The following MARCHF3 variants were observed in gnomAD, a reference collection of about 807,000 sequenced individuals.
The protein encoded by MARCHF3 is membrane associated ring-CH-type finger 3.
MARCHF3 carries 13 observed loss-of-function variants against 24.2 expected under a neutral mutation model. That is an observed-to-expected ratio of 0.54 (90% CI 0.35 to 0.85). MARCHF3 has a LOEUF of 0.85. Ranked by LOEUF, MARCHF3 falls within the 40% of genes least tolerant of loss-of-function variation. MARCHF3 has a pLI of 0.01. For missense variants in MARCHF3, 276 were observed against 325.0 expected (o/e 0.85, Z 1.16); for synonymous variants, 144 against 137.3 (o/e 1.05, Z -0.34).
chr5:127,016,946 G>A (rs1752654037), intron 1 of MARCHF3, among the ~76,000 whole-genome samples: 2 of 152,170 alleles, frequency 1.3e-5, no homozygotes, highest in Non-Finnish European at 2.9e-5. Context: ...AAAAAAGGAT[G>A]AGTTCATGTC....
chr5:127,023,607 G>A lies in MARCHF3; in HGVS notation c.-57+6743C>T, dbSNP rs192878826. On this transcript the variant is annotated intron_variant, in intron 1 of 4. Coordinates refer to ENST00000308660, the MANE Select transcript of MARCHF3 (RefSeq NM_178450.5). ...ATTAGCCAGGTGTGGTGGTGCATGC[G>A]TGTAATCCCAGCTACTCGGAAGGCT... Among the ~76,000 whole-genome samples the A allele has an allele frequency of 4.0e-3, 609 of 151,556 alleles. 5 individuals are homozygous for A. Among genetic ancestry groups the A allele is most frequent in the African/African-American group, 0.014 (574 of 41,354 alleles).
intron 1 of MARCHF3, chr5:127,029,834 T>G (rs1753118430): frequency 1.3e-5 from 2 of 152,308 alleles, no homozygotes; most frequent in African/African-American, 4.8e-5. Context: ...AGCCCAGCAG[T>G]GCTCTCAATT....
At chr5:126,949,877 A>C (rs963081987) in intron 1 of MARCHF3, among the ~76,000 whole-genome samples, 5 of 152,204 alleles carry the variant, frequency 3.3e-5, no homozygotes, top group Admixed American at 1.3e-4. Context: ...AGTAAAAGAG[A>C]TAGCTTCTGT....
chr5:126,901,278 A>G (rs549159164), intron 3 of MARCHF3, among the ~76,000 whole-genome samples: 1 of 152,098 alleles, frequency 6.6e-6, no homozygotes, highest in Non-Finnish European at 1.5e-5. Context: ...TGCATGTAAT[A>G]TTTTTCCTTT....
intron 1 of MARCHF3, among the ~76,000 whole-genome samples, chr5:126,988,909 A>G (rs1183912524): frequency 2.0e-5 from 3 of 152,174 alleles, no homozygotes; most frequent in Non-Finnish European, 4.4e-5. Flanking sequence ...AAAAACTTTA[A>G]AAGGGAATAA....
rs1044580792 is a variant in MARCHF3 at position 126,908,792 on chromosome 5, C to T, written c.393+6138G>A. Among the ~76,000 whole-genome samples, 296 of 151,558 alleles carry T rather than the reference C, an allele frequency of 2.0e-3. 1 individual carries two copies. Among genetic ancestry groups the T allele is most frequent in the Middle Eastern group, 6.8e-3 (2 of 294 alleles). ...TGTCCTCCTGTAGCTCAGAGTAATT[C>T]CATCGTCTGAAGCCTTCTTCTCTCA... On this transcript the variant is annotated intron_variant, in intron 3 of 4. Coordinates refer to ENST00000308660, the MANE Select transcript of MARCHF3 (RefSeq NM_178450.5).
At chr5:126,953,715 G>T (rs996791665) in intron 1 of MARCHF3, among the ~76,000 whole-genome samples, 1 of 152,114 alleles carries the variant, frequency 6.6e-6, no homozygotes, top group African/African-American at 2.4e-5. Context: ...TTCATAAGGA[G>T]TTGCCTTTTA....
chr5:126,948,505 A>G (rs1047745440), intron 1 of MARCHF3, among the ~76,000 whole-genome samples: 13 of 152,228 alleles, frequency 8.5e-5, no homozygotes, highest in South Asian at 2.1e-4. Context: ...GATAACTTCC[A>G]TACTCCACGG....
At chr5:127,002,097 T>C (rs1752148084) in intron 1 of MARCHF3, among the ~76,000 whole-genome samples, 1 of 152,120 alleles carries the variant, frequency 6.6e-6, no homozygotes, top group South Asian at 2.1e-4. Flanking sequence ...AAGAATGACA[T>C]GGCGCAAAAG....
intron 4 of MARCHF3, among the ~76,000 whole-genome samples, chr5:126,873,607 A>C (rs991533299): frequency 2.0e-5 from 3 of 152,196 alleles, no homozygotes; most frequent in Non-Finnish European, 4.4e-5. Context: ...TGTGCATTCA[A>C]GCCTGAGACG....
intron 1 of MARCHF3, among the ~76,000 whole-genome samples, chr5:126,966,044 T>C (rs191781982): frequency 2.6e-5 from 4 of 152,336 alleles, no homozygotes; most frequent in Admixed American, 2.6e-4. Flanking sequence ...CCAACATGGA[T>C]GCATCTCATA....
In MARCHF3 at chr5:126,869,273, T is replaced by C. The variant is rs187293605; in HGVS notation, c.*1360A>G. The C allele has an allele frequency of 6.6e-5, 10 of 152,356 alleles. No individual in the cohort carries two copies. In the East Asian group the frequency reaches 1.2e-3, roughly 18 times the overall value. The allele number at this position is 152,356 out of a possible 1,614,324, so 9.4% of individuals were successfully genotyped here. ...GTTCTAGAATTCCATATTTTAAGCA[T>C]TCCGGAAGCAGGGCTCCGCCCCTCC... On this transcript the variant is annotated 3_prime_UTR_variant, in exon 5 of 5. Transcript: ENST00000308660.
chr5:126,937,919 G>C (rs1300552234), intron 1 of MARCHF3, among the ~76,000 whole-genome samples: 1 of 152,170 alleles, frequency 6.6e-6, no homozygotes, highest in Non-Finnish European at 1.5e-5. Flanking sequence ...CACTGAGTAG[G>C]AGTGAAGGCA....
chr5:126,919,945 T>C (rs773236152), intron 1 of MARCHF3, among the ~76,000 whole-genome samples: 2 of 152,170 alleles, frequency 1.3e-5, no homozygotes, highest in Non-Finnish European at 2.9e-5. Flanking sequence ...GCCCCACTCA[T>C]GCCATTTTCA....
intron 4 of MARCHF3, among the ~76,000 whole-genome samples, chr5:126,871,095 A>G (rs544083278): frequency 1.3e-5 from 2 of 152,218 alleles, no homozygotes; most frequent in Non-Finnish European, 2.9e-5. Context: ...GTTTGGATTT[A>G]TTTTCGGACT....
intron 1 of MARCHF3, among the ~76,000 whole-genome samples, chr5:126,930,736 T>C (rs1317254539): frequency 6.6e-6 from 1 of 152,162 alleles, no homozygotes; most frequent in Admixed American, 6.5e-5. Flanking sequence ...CTAATAAGGG[T>C]GAAAACATTT....
At chr5:126,991,843 T>A (rs1403643248) in intron 1 of MARCHF3, among the ~76,000 whole-genome samples, 1 of 152,134 alleles carries the variant, frequency 6.6e-6, no homozygotes, top group Non-Finnish European at 1.5e-5. Context: ...TGATAAAACA[T>A]CTCGTTTTGT....
chr5:127,011,632 G>T (rs1305940285), intron 1 of MARCHF3, among the ~76,000 whole-genome samples: 1 of 152,144 alleles, frequency 6.6e-6, no homozygotes, highest in Non-Finnish European at 1.5e-5. Flanking sequence ...AAAGGAAAAG[G>T]AAACTGATTC....
chr5:126,934,432 A>ATT (rs34440613), intron 1 of MARCHF3, among the ~76,000 whole-genome samples: 13 of 142,758 alleles, frequency 9.1e-5, no homozygotes, highest in East Asian at 2.0e-4. Context: ...GGTAGCCTCT[A>ATT]TTTTTTTTTT....
Sources: gnomAD v4.1 joint callset for allele counts (sites outside exome capture counted in the v4.1 genomes callset) on GRCh38, gnomAD v4.1.1 for gene constraint, MANE v1.5 for transcripts, NCBI Gene and HGNC (gene_info 2026-07-23, HGNC 2026-07-21) for gene names.